Variants in G2E3 observed in about 807,000 individuals in gnomAD.
G2E3 encodes G2/M phase-specific E3 ubiquitin-protein ligase.
A neutral mutation model predicts 92.8 loss-of-function variants in G2E3; 35 were observed. The ratio of observed to expected loss-of-function variants is 0.38; its 90% CI spans 0.29 to 0.50. The LOEUF is 0.50. G2E3 is among the 20% of genes least tolerant of loss of function. The pLI is 0.94. For synonymous variants in G2E3, 242 were observed against 272.4 expected, an observed-to-expected ratio of 0.89 and a Z score of 1.10; for missense variants, 554 against 823.8, an observed-to-expected ratio of 0.67 and a Z score of 4.01.
chr14:30,585,314 G>T (rs892827730), intron 2 of G2E3, among the ~76,000 whole-genome samples: 1 of 152,074 alleles, frequency 6.6e-6, no homozygotes, highest in African/African-American at 2.4e-5. Context: ...TCCTTGGCTG[G>T]TATTTAATTA....
At chr14:30,569,593 T>C (rs1879637293) in intron 1 of G2E3, among the ~76,000 whole-genome samples, 1 of 152,148 alleles carries the variant, frequency 6.6e-6, no homozygotes, top group South Asian at 2.1e-4. Flanking sequence ...TAGCCTTTAT[T>C]GCCTGAACTG....
At chr14:30,564,923 T>A (rs1184347993) in intron 1 of G2E3, among the ~76,000 whole-genome samples, 1 of 152,218 alleles carries the variant, frequency 6.6e-6, no homozygotes. Context: ...CTTTTGTGAA[T>A]AGTGCTGCTG....
intron 8 of G2E3, among the ~76,000 whole-genome samples, chr14:30,598,829 A>T (rs988632608): frequency 6.6e-6 from 1 of 152,116 alleles, no homozygotes; most frequent in African/African-American, 2.4e-5. Flanking sequence ...TATTTTCTAG[A>T]GCCACACTGT....
chr14:30,616,182 T>C (rs1406734244), intron 14 of G2E3, 96 bp from the exon 15 acceptor site: 4 of 822,474 alleles, frequency 4.9e-6, no homozygotes, highest in Non-Finnish European at 4.0e-6. Context: ...CCTTTCAGTA[T>C]TCCAAGTCTA....
rs1881121109 is a variant in G2E3 at position 30,593,517 on chromosome 14, A to G, written c.406A>G (p.Asn136Asp). The G allele has an allele frequency of 1.9e-6, 3 of 1,550,594 alleles. No individual in the cohort carries two copies. Among genetic ancestry groups the G allele is most frequent in the African/African-American group, 1.4e-5 (1 of 73,700 alleles). The change falls in exon 6 of 15, where the codon AAT becomes GAT. Residue 136 changes from asparagine (N) to aspartate (D), a missense_variant. By Grantham distance (23) the Asn-to-Asp change is conservative. Transcript: ENST00000206595. ...DHRPVQIITS[N>D]NYRESLPCTI... ...TCGACCTGTTCAAATAATTACATCTAATAATTATAGAGAGTCCTTACCATG... is the reference window on the plus strand; with the variant it reads ...TCGACCTGTTCAAATAATTACATCTGATAATTATAGAGAGTCCTTACCATG...
intron 3 of G2E3, among the ~76,000 whole-genome samples, chr14:30,589,136 G>T (rs1880873116): frequency 6.6e-6 from 1 of 150,564 alleles, no homozygotes. Flanking sequence ...TTCTTTTTCT[G>T]TTACTTCCTG....
chr14:30,570,936 C>A (rs969091731), intron 1 of G2E3, among the ~76,000 whole-genome samples: 1 of 152,130 alleles, frequency 6.6e-6, no homozygotes, highest in African/African-American at 2.4e-5. Context: ...TTGTCTTATT[C>A]TCTTAACAGT....
At chr14:30,585,901 G>C (rs757723557) in intron 2 of G2E3, among the ~76,000 whole-genome samples, 1 of 152,066 alleles carries the variant, frequency 6.6e-6, no homozygotes, top group Non-Finnish European at 1.5e-5. Context: ...ACATCTCTGG[G>C]CATGCATGTG....
At chr14:30,585,962 C>T (rs1198411997) in intron 2 of G2E3, among the ~76,000 whole-genome samples, 3 of 152,124 alleles carry the variant, frequency 2.0e-5, no homozygotes, top group Non-Finnish European at 2.9e-5. Context: ...AATTTTTATT[C>T]CCTCATGTAC....
chr14:30,573,836 T>G (rs910017323), intron 1 of G2E3, among the ~76,000 whole-genome samples: 2 of 152,088 alleles, frequency 1.3e-5, no homozygotes, highest in African/African-American at 4.8e-5. Context: ...CCAGAAACAC[T>G]CTCACAGACA....
intron 4 of G2E3, among the ~76,000 whole-genome samples, 194 bp from the exon 5 acceptor site, chr14:30,592,129 G>A (rs941741371): frequency 3.9e-5 from 6 of 152,012 alleles, no homozygotes; most frequent in African/African-American, 1.4e-4. Flanking sequence ...TTATAGGAGT[G>A]AATCTTTGGT....
intron 12 of G2E3, 48 bp from the exon 13 acceptor site, chr14:30,612,159 A>C: frequency 2.3e-6 from 3 of 1,323,188 alleles, no homozygotes; most frequent in Non-Finnish European, 3.2e-6. Flanking sequence ...TGTGCATGTC[A>C]CTCAAAAGTA....
intron 1 of G2E3, among the ~76,000 whole-genome samples, chr14:30,575,272 G>GT (rs1017826271): frequency 1.3e-5 from 2 of 151,902 alleles, no homozygotes; most frequent in Admixed American, 6.6e-5. Flanking sequence ...TAATGGGGTT[G>GT]TTTTTTTCTT....
At position 30,619,911 on chromosome 14, in the gene G2E3, A is replaced by G. The variant is rs1882483681; in HGVS notation, c.*3377A>G. The G allele has an allele frequency of 6.6e-6, 1 of 152,228 alleles. No homozygotes were observed. 9.4% of individuals were successfully genotyped at this position (152,228 alleles called of 1,614,324 possible). A position where few individuals can be genotyped will look rare whatever the true frequency, so the allele number is the denominator to read the frequency against. On this transcript the variant is annotated 3_prime_UTR_variant, in exon 15 of 15. Coordinates refer to ENST00000206595, the MANE Select transcript of G2E3 (RefSeq NM_017769.5). Reference sequence around the variant, plus strand: ...TAAGATTCTGACGAAACTGAAAGATACAAGATTCCTTTACTCTCCACATTT... The same window carrying G: ...TAAGATTCTGACGAAACTGAAAGATGCAAGATTCCTTTACTCTCCACATTT...
chr14:30,590,606 T>G (rs768089134), intron 4 of G2E3: 12 of 453,328 alleles, frequency 2.6e-5, no homozygotes, highest in South Asian at 1.6e-4. Context: ...ATAAGAAACA[T>G]TTATTCTTTT....
intron 12 of G2E3, among the ~76,000 whole-genome samples, chr14:30,610,725 A>C (rs1312463514): frequency 6.6e-6 from 1 of 152,262 alleles, no homozygotes; most frequent in African/African-American, 2.4e-5. Context: ...TCATAGACCC[A>C]GAAAGACAGT....
chr14:30,573,836 T>C (rs910017323), intron 1 of G2E3, among the ~76,000 whole-genome samples: 7 of 152,088 alleles, frequency 4.6e-5, no homozygotes, highest in African/African-American at 1.7e-4. Flanking sequence ...CCAGAAACAC[T>C]CTCACAGACA....
chr14:30,601,802 G>T lies in G2E3; in HGVS notation c.785G>T (p.Gly262Val). Residue 262 changes from glycine (G) to valine (V), a missense_variant, in exon 9 of 15, where the codon GGT becomes GTT. This residue lies in a region of G2E3 where 397 missense variants were observed against 560.3 expected (regional missense o/e 0.71). Coordinates refer to ENST00000206595, the MANE Select transcript of G2E3 (RefSeq NM_017769.5). The part of the protein sequence containing the change: ...KWEIKRCQCC[G>V]SSGTHLACSS... ...GAAATAAAGCGCTGTCAGTGTTGTG[G>T]TTCCAGTGGCACACATTTAGCCTGC... The T allele has an allele frequency of 6.2e-7, 1 of 1,614,024 alleles. No homozygotes were observed. Among genetic ancestry groups the T allele is most frequent in the Non-Finnish European group, 8.5e-7 (1 of 1,179,924 alleles).
chr14:30,587,798 G>C (rs1439891134), intron 3 of G2E3, among the ~76,000 whole-genome samples: 1 of 152,158 alleles, frequency 6.6e-6, no homozygotes, highest in African/African-American at 2.4e-5. Flanking sequence ...GACAGAGAGA[G>C]AGAAATCAAG....
Sources: allele counts gnomAD v4.1 joint callset (sites outside exome capture counted in the v4.1 genomes callset), GRCh38; gene constraint gnomAD v4.1.1; regional missense constraint gnomAD v4.1.1; transcripts MANE v1.5; gene names NCBI Gene and HGNC (gene_info 2026-07-23, HGNC 2026-07-21).